Variants in CAMKMT observed in about 807,000 individuals in gnomAD.
CAMKMT encodes CaM KMT.
CAMKMT carries 53 observed loss-of-function variants against 48.0 expected under a neutral mutation model. That is an observed-to-expected ratio of 1.10 (90% confidence interval 0.89 to 1.39). CAMKMT has a LOEUF of 1.39. Ranked by LOEUF, CAMKMT falls within the 40% of genes most tolerant of loss-of-function variation. The pLI is 0.00. For synonymous variants in CAMKMT, 165 were observed against 152.3 expected, an observed-to-expected ratio of 1.08 and a Z score of -0.61; for missense variants, 428 against 402.7, an observed-to-expected ratio of 1.06 and a Z score of -0.54.
chr2:44,435,233 T>A (rs1425874655), intron 3 of CAMKMT, among the ~76,000 whole-genome samples: 1 of 152,204 alleles, frequency 6.6e-6, no homozygotes, highest in African/African-American at 2.4e-5. Flanking sequence ...ATTCTCAGGC[T>A]TAATGTACTT....
intron 3 of CAMKMT, among the ~76,000 whole-genome samples, chr2:44,636,895 C>T (rs909955327): frequency 3.3e-5 from 5 of 152,220 alleles, no homozygotes; most frequent in Non-Finnish European, 7.3e-5. Context: ...GCACCTTTCT[C>T]TTGCCCCACT....
In CAMKMT at chr2:44,524,510, TCTC is replaced by T. The variant is rs545306847; in HGVS notation, c.376+134214_376+134216del. On this transcript the variant is annotated intron_variant, in intron 3 of 10. Coordinates refer to ENST00000378494, the MANE Select transcript of CAMKMT (RefSeq NM_024766.5). ...TTCTTCCTCTTTCTTCTTTTTTCCTTCTCCTCCTCCTTTCTTTTTTTTCTTCCT... is the reference window on the plus strand; with the variant it reads ...TTCTTCCTCTTTCTTCTTTTTTCCTTCTCCTCCTTTCTTTTTTTTCTTCCT... Among the ~76,000 whole-genome samples, 44 of 152,216 alleles carry T rather than the reference TCTC, an allele frequency of 2.9e-4. No individual in the cohort carries two copies. In the East Asian group the frequency reaches 7.2e-3, roughly 25 times the overall value.
chr2:44,583,039 A>C (rs1669648100), intron 3 of CAMKMT, among the ~76,000 whole-genome samples: 3 of 152,202 alleles, frequency 2.0e-5, no homozygotes, highest in African/African-American at 2.4e-5. Flanking sequence ...AAAAACCCTT[A>C]AAATACATAT....
intron 1 of CAMKMT, among the ~76,000 whole-genome samples, chr2:44,362,927 G>C (rs786613): frequency 0.67 from 101,537 of 152,078 alleles, 34,538 homozygotes; most frequent in African/African-American, 0.74. Flanking sequence ...TTTTTGCATA[G>C]CAGTGTTATG....
intron 3 of CAMKMT, among the ~76,000 whole-genome samples, chr2:44,588,055 A>G (rs1263404967): frequency 7.5e-6 from 1 of 134,036 alleles, no homozygotes; most frequent in Admixed American, 7.5e-5. Flanking sequence ...CCCGCCGCCC[A>G]TCGTCTGAGA....
chr2:44,683,822 C>CAAAAAAAAAAAAAAAAAAAAAAAA (rs10644183), intron 3 of CAMKMT, among the ~76,000 whole-genome samples: 2 of 70,924 alleles, frequency 2.8e-5, no homozygotes, highest in Admixed American at 2.1e-4. Context: ...GACTCTGTCT[C>CAAAAAAAAAAAAAAAAAAAAAAAA]AAAAAAAAAA....
chr2:44,516,689 A>C (rs1670847820), intron 3 of CAMKMT, among the ~76,000 whole-genome samples: 4 of 151,926 alleles, frequency 2.6e-5, no homozygotes, highest in Admixed American at 2.6e-4. Flanking sequence ...TAAAAACATA[A>C]GATTATTTTA....
At chr2:44,524,928 G>T (rs1572713334) in intron 3 of CAMKMT, among the ~76,000 whole-genome samples, 1 of 149,370 alleles carries the variant, frequency 6.7e-6, no homozygotes, top group African/African-American at 2.5e-5. Flanking sequence ...TTTTTACTTT[G>T]AGCAGTTTAA....
chr2:44,506,230 T>A (rs1195317978), intron 3 of CAMKMT, among the ~76,000 whole-genome samples: 2 of 152,130 alleles, frequency 1.3e-5, no homozygotes, highest in Non-Finnish European at 2.9e-5. Flanking sequence ...AGCTAAGTGG[T>A]AGGGGTATAA....
intron 3 of CAMKMT, among the ~76,000 whole-genome samples, chr2:44,620,628 G>T (rs986629271): frequency 6.6e-6 from 1 of 152,058 alleles, no homozygotes; most frequent in African/African-American, 2.4e-5. Context: ...ATTTCATCAG[G>T]CATCATAGAT....
intron 3 of CAMKMT, among the ~76,000 whole-genome samples, chr2:44,591,720 C>G (rs938610328): frequency 3.3e-5 from 5 of 151,380 alleles, no homozygotes; most frequent in African/African-American, 1.2e-4. Context: ...TGGGTATATA[C>G]CCAAAGGACT....
At chr2:44,405,320 T>A (rs1031497673) in intron 3 of CAMKMT, among the ~76,000 whole-genome samples, 2 of 152,074 alleles carry the variant, frequency 1.3e-5, no homozygotes, top group African/African-American at 4.8e-5. Flanking sequence ...CTAATGGAAT[T>A]GTTGGATAAA....
chr2:44,443,803 G>A (rs1176388137), intron 3 of CAMKMT, among the ~76,000 whole-genome samples: 1 of 152,176 alleles, frequency 6.6e-6, no homozygotes, highest in African/African-American at 2.4e-5. Flanking sequence ...GCAGCTCTGC[G>A]AAGGGAGTTC....
intron 3 of CAMKMT, among the ~76,000 whole-genome samples, chr2:44,621,532 A>G (rs1318184438): frequency 6.6e-6 from 1 of 152,228 alleles, no homozygotes; most frequent in Admixed American, 6.5e-5. Flanking sequence ...AGCTGGGAGA[A>G]CATATTCTAG....
chr2:44,546,219 CT>C (rs1463653998), intron 3 of CAMKMT, among the ~76,000 whole-genome samples: 61 of 137,772 alleles, frequency 4.4e-4, no homozygotes, highest in African/African-American at 1.8e-3. Flanking sequence ...GCACATACCC[CT>C]ATACCTATGA....
In CAMKMT at chr2:44,362,046, C is replaced by T; in HGVS notation, c.39C>T (p.Thr13=). Residue 13 remains threonine (T), a synonymous_variant, in exon 1 of 11, where the codon ACC becomes ACT. Transcript: ENST00000378494. The part of the protein sequence containing the change: ...SRVADAGTGE[T]ARAAGGSPAV... ...TCGCGGACGCTGGGACCGGCGAGAC[C>T]GCGCGAGCAGCGGGCGGGAGTCCGG... 1 of 1,431,330 alleles carries T rather than the reference C, an allele frequency of 7.0e-7. No homozygotes were observed. The allele number at this position is 1,431,330 out of a possible 1,614,324, so 88.7% of individuals were successfully genotyped here. A position where few individuals can be genotyped will look rare whatever the true frequency, so the allele number is the denominator to read the frequency against.
At chr2:44,581,474 TA>T (rs953658708) in intron 3 of CAMKMT, among the ~76,000 whole-genome samples, 7 of 152,208 alleles carry the variant, frequency 4.6e-5, no homozygotes, top group African/African-American at 1.4e-4. Flanking sequence ...GGCTGACCAT[TA>T]AATATGTGTA....
At chr2:44,508,392 G>A (rs959340597) in intron 3 of CAMKMT, among the ~76,000 whole-genome samples, 5 of 152,176 alleles carry the variant, frequency 3.3e-5, no homozygotes, top group Non-Finnish European at 7.3e-5. Flanking sequence ...AAGGGAGTGA[G>A]TAGGCAGTAT....
At chr2:44,597,427 A>G (rs952327138) in intron 3 of CAMKMT, among the ~76,000 whole-genome samples, 5 of 152,316 alleles carry the variant, frequency 3.3e-5, no homozygotes, top group African/African-American at 9.6e-5. Context: ...TGATATACCA[A>G]CTTACACAGG....
Sources: allele counts gnomAD v4.1 joint callset (sites outside exome capture counted in the v4.1 genomes callset), GRCh38; gene constraint gnomAD v4.1.1; transcripts MANE v1.5; gene names NCBI Gene and HGNC (gene_info 2026-07-23, HGNC 2026-07-21).